Variants in CACNA1I observed in about 807,000 individuals in gnomAD.
The protein encoded by CACNA1I is calcium voltage-gated channel subunit alpha1 I, also known as voltage-dependent T-type calcium channel subunit alpha-1I.
A neutral mutation model predicts 201.6 loss-of-function variants in CACNA1I; 74 were observed. The observed-to-expected ratio is 0.37, with a 90% CI of 0.30 to 0.45. The LOEUF (loss-of-function observed/expected upper bound fraction) is 0.45, where lower values mean the gene tolerates loss of function less well. Ranked by LOEUF, CACNA1I falls within the 20% of genes least tolerant of loss-of-function variation. The pLI is 1.00. For missense variants in CACNA1I, 2,346 were observed against 3,138.1 expected (o/e 0.75, Z 6.03); for synonymous variants, 1,431 against 1,345.2 (o/e 1.06, Z -1.40).
intron 5 of CACNA1I, 136 bp from the exon 6 acceptor site, chr22:39,640,731 C>T: frequency 2.8e-6 from 2 of 711,496 alleles, no homozygotes; most frequent in Non-Finnish European, 4.7e-6. Flanking sequence ...GTGACCAAGG[C>T]AGGGGAACAG....
intron 4 of CACNA1I, among the ~76,000 whole-genome samples, chr22:39,627,324 G>A (rs1462618325): frequency 6.6e-6 from 1 of 152,196 alleles, no homozygotes; most frequent in Admixed American, 6.5e-5. Context: ...ATCCCCTTTC[G>A]GGCTGAAGCC....
At position 39,598,276 on chromosome 22, in the gene CACNA1I, C is replaced by CCCGCG; in HGVS notation, c.348+18_348+19insGCCGC. 1 of 1,315,444 alleles carries CCCGCG rather than the reference C, an allele frequency of 7.6e-7. No homozygotes were observed. Among genetic ancestry groups the CCCGCG allele is most frequent in the South Asian group, 1.3e-5 (1 of 77,900 alleles). 81.5% of individuals were successfully genotyped at this position (1,315,444 alleles called of 1,614,324 possible). ...AAGATCCTGCAGGTGAGCCGGCCGC[C>CCCGCG]CCGCCCCGCCCCGCCCTGCCCTCAT... On this transcript the variant is annotated intron_variant, in intron 2 of 36. Coordinates refer to ENST00000402142, the MANE Select transcript of CACNA1I (RefSeq NM_021096.4).
intron 2 of CACNA1I, 26 bp downstream of exon 2, chr22:39,598,288 CG>C (rs1932938520): frequency 1.5e-4 from 187 of 1,215,050 alleles, no homozygotes; most frequent in Middle Eastern, 4.9e-4. Flanking sequence ...CGCCCCGCCC[CG>C]CCCTGCCCTC....
intron 7 of CACNA1I, chr22:39,643,410 G>A (rs912252666): frequency 6.4e-6 from 1 of 156,520 alleles, no homozygotes; most frequent in African/African-American, 2.4e-5. Flanking sequence ...GGAGATGGAG[G>A]TGGGCTCACC....
At position 39,652,667 on chromosome 22, in the gene CACNA1I, G is replaced by A. The variant is rs190828235; in HGVS notation, c.1992+2742G>A. Among the ~76,000 whole-genome samples the A allele has an allele frequency of 1.0e-3, 158 of 152,348 alleles. 1 individual carries two copies. Among genetic ancestry groups the A allele is most frequent in the Non-Finnish European group, 1.5e-4 (10 of 68,030 alleles). ...TGCCTGTAATCCCAGCACTTTGGGAGGCTGTGGCGAGAGGATCACTTGAGC... is the reference window on the plus strand; with the variant it reads ...TGCCTGTAATCCCAGCACTTTGGGAAGCTGTGGCGAGAGGATCACTTGAGC... On this transcript the variant is annotated intron_variant, in intron 10 of 36. Transcript: ENST00000402142.
intron 3 of CACNA1I, among the ~76,000 whole-genome samples, chr22:39,603,609 C>T (rs1399275766): frequency 6.6e-6 from 1 of 152,154 alleles, no homozygotes; most frequent in Non-Finnish European, 1.5e-5. Flanking sequence ...TCCTTATATA[C>T]TAATTAGGCT....
At chr22:39,643,882 C>G (rs570030859) in intron 7 of CACNA1I, among the ~76,000 whole-genome samples, 4 of 152,352 alleles carry the variant, frequency 2.6e-5, no homozygotes, top group Admixed American at 2.0e-4. Flanking sequence ...AGGCCCTGAG[C>G]CAAGTGCTAG....
intron 5 of CACNA1I, among the ~76,000 whole-genome samples, chr22:39,637,166 G>T (rs1934240074): frequency 6.6e-6 from 1 of 152,208 alleles, no homozygotes; most frequent in Non-Finnish European, 1.5e-5. Context: ...CCTCTGTACT[G>T]TCTCACTGGG....
intron 5 of CACNA1I, among the ~76,000 whole-genome samples, chr22:39,637,511 G>A (rs1934250293): frequency 6.6e-6 from 1 of 152,104 alleles, no homozygotes; most frequent in African/African-American, 2.4e-5. Context: ...CTGTCACTTG[G>A]CAGCACTCCT....
intron 1 of CACNA1I, chr22:39,587,652 TG>T: frequency 2.4e-6 from 1 of 409,286 alleles, no homozygotes; most frequent in South Asian, 1.8e-5. Context: ...ACTGTGTCCT[TG>T]GGCAAGGCTA....
chr22:39,684,203 A>T lies in CACNA1I; in HGVS notation c.5831-99A>T. 3 of 973,304 alleles carry T rather than the reference A, an allele frequency of 3.1e-6. No individual in the cohort carries two copies. Among genetic ancestry groups the T allele is most frequent in the South Asian group, 3.0e-5 (2 of 67,184 alleles). 60.3% of individuals were successfully genotyped at this position (973,304 alleles called of 1,614,324 possible). ...CAGTCAGTTTATTAGGTGGCCCCTC[A>T]CTGCTGGCCCAGTGAGATTGGTGCT... On this transcript the variant is annotated intron_variant, in intron 35 of 36. Transcript: ENST00000402142. The surrounding 1 kb of genome is among the most constrained non-coding windows in gnomAD (Gnocchi z 4.6).
intron 1 of CACNA1I, among the ~76,000 whole-genome samples, chr22:39,578,134 G>A (rs571817184): frequency 4.6e-5 from 7 of 152,296 alleles, no homozygotes; most frequent in Middle Eastern, 6.8e-3. Context: ...AGGGCGGGAA[G>A]GTGGGGAGTG....
At chr22:39,642,079 C>T (rs554153084) in intron 6 of CACNA1I, among the ~76,000 whole-genome samples, 100 of 152,160 alleles carry the variant, frequency 6.6e-4, no homozygotes, top group African/African-American at 2.3e-3. Flanking sequence ...CTGCTGCCTC[C>T]GCTGCCCTGC....
intron 1 of CACNA1I, among the ~76,000 whole-genome samples, chr22:39,579,256 G>A (rs1006533193): frequency 1.3e-5 from 2 of 152,200 alleles, no homozygotes; most frequent in African/African-American, 4.8e-5. Flanking sequence ...AGGGTACAGG[G>A]CAGCGAGTGC....
chr22:39,683,255 C>A (rs1250154704), intron 35 of CACNA1I, among the ~76,000 whole-genome samples: 3 of 152,064 alleles, frequency 2.0e-5, no homozygotes, highest in African/African-American at 7.2e-5. Context: ...TGGAGGGTGG[C>A]AGGAACCTGG....
rs376636441 is a variant in CACNA1I, at chr22:39,622,140, C to T, written c.580+2733C>T. ...TACTGGGAAATGAGCCAAAAGGTGG[C>T]CTCCGTACACTCAGCACCCAGAACT... On this transcript the variant is annotated intron_variant, in intron 4 of 36. Transcript: ENST00000402142. Among the ~76,000 whole-genome samples, 405 of 152,218 alleles carry T rather than the reference C, an allele frequency of 2.7e-3. 3 individuals carry two copies. Among genetic ancestry groups the T allele is most frequent in the African/African-American group, 9.5e-3 (395 of 41,526 alleles).
At chr22:39,627,205 T>C (rs1331094755) in intron 4 of CACNA1I, among the ~76,000 whole-genome samples, 1 of 152,334 alleles carries the variant, frequency 6.6e-6, no homozygotes, top group South Asian at 2.1e-4. Context: ...TCCCGTGGGC[T>C]GCAGTGACAC....
At chr22:39,656,228 T>G (rs183358620) in intron 10 of CACNA1I, among the ~76,000 whole-genome samples, 22 of 152,206 alleles carry the variant, frequency 1.4e-4, no homozygotes, top group Non-Finnish European at 2.5e-4. Context: ...GGTTGTTATT[T>G]TTTTTTTCCA....
In CACNA1I at chr22:39,677,908, G is replaced by A. The variant is rs926428522; in HGVS notation, c.4934-79G>A. 3.3e-5 allele frequency: 48 copies of A among 1,473,518 alleles called. No individual in the cohort carries two copies. Among genetic ancestry groups the A allele is most frequent in the East Asian group, 2.2e-4 (9 of 40,138 alleles). 91.3% of individuals were successfully genotyped at this position (1,473,518 alleles called of 1,614,324 possible). ...TAGGGTGTGATGAGGGTTCTGAGGC[G>A]AGGCGGGAGGCACCAGGTCAGGGTG... On this transcript the variant is annotated intron_variant, in intron 30 of 36. Coordinates refer to ENST00000402142, the MANE Select transcript of CACNA1I (RefSeq NM_021096.4). The surrounding 1 kb of genome is among the most constrained non-coding windows in gnomAD (Gnocchi z 4.8).
Sources: allele counts gnomAD v4.1 joint callset (sites outside exome capture counted in the v4.1 genomes callset), GRCh38; gene constraint gnomAD v4.1.1; non-coding constraint Gnocchi (gnomAD v3.1); transcripts MANE v1.5; gene names NCBI Gene and HGNC (gene_info 2026-07-23, HGNC 2026-07-21).